Variants in SCARF2 observed in about 807,000 individuals in gnomAD.
The protein encoded by SCARF2 is scavenger receptor expressed by endothelial cells 2 protein.
In SCARF2, 39 loss-of-function variants were observed where a neutral mutation model predicts 73.4. The observed-to-expected ratio is 0.53, with a 90% CI of 0.41 to 0.69. The LOEUF (loss-of-function observed/expected upper bound fraction) is 0.69, where lower values mean the gene tolerates loss of function less well. Ranked by LOEUF, SCARF2 falls within the 30% of genes least tolerant of loss-of-function variation. The pLI is 0.00. For missense variants in SCARF2, 1,148 were observed against 1,303.5 expected, an observed-to-expected ratio of 0.88 and a Z score of 1.84; for synonymous variants, 605 against 590.0, an observed-to-expected ratio of 1.03 and a Z score of -0.37.
intron 1 of SCARF2, among the ~76,000 whole-genome samples, chr22:20,435,463 C>T (rs2052690267): frequency 6.6e-6 from 1 of 152,172 alleles, no homozygotes; most frequent in Non-Finnish European, 1.5e-5. Context: ...TACAAAGCCC[C>T]CAGGGGGTCC....
intron 1 of SCARF2, among the ~76,000 whole-genome samples, chr22:20,436,195 C>T (rs1235814284): frequency 6.6e-6 from 1 of 152,224 alleles, no homozygotes; most frequent in Non-Finnish European, 1.5e-5. Flanking sequence ...AACCCAGGCT[C>T]GGTTCCTGGA....
rs568960087 is a variant in SCARF2, at chr22:20,427,587, T to C, written c.1541-37A>G. On this transcript the variant is annotated intron_variant, in intron 9 of 10. Transcript: ENST00000622235. ...TGAGGCAGAGCTGCCAGGGGTCCAC[T>C]CTGCCCCAGCCGGTGCCCTCATTAG... 3 of 1,609,368 alleles carry C rather than the reference T, an allele frequency of 1.9e-6. No individual in the cohort carries two copies. The African/African-American group carries it at 4.0e-5, about 21-fold the overall frequency.
chr22:20,435,629 G>A (rs1221918223), intron 1 of SCARF2, among the ~76,000 whole-genome samples: 2 of 152,142 alleles, frequency 1.3e-5, no homozygotes, highest in Non-Finnish European at 2.9e-5. Flanking sequence ...TCTGCCTTGG[G>A]AACCTTGCCC....
chr22:20,434,991 T>C (rs1001535525), intron 1 of SCARF2, among the ~76,000 whole-genome samples: 3 of 152,182 alleles, frequency 2.0e-5, no homozygotes, highest in African/African-American at 7.2e-5. Context: ...GGAAGCTCAC[T>C]GAACACTGAC....
rs775468396 is a variant in SCARF2, at chr22:20,431,392, G to A, written c.480C>T (p.His160=). The A allele has an allele frequency of 3.3e-6, 5 of 1,532,090 alleles. No homozygotes were observed. Among genetic ancestry groups the A allele is most frequent in the Non-Finnish European group, 4.4e-6 (5 of 1,145,094 alleles). 94.9% of individuals were successfully genotyped at this position (1,532,090 alleles called of 1,614,324 possible). ...ARCEHACQCQ[H]GTCHPRSGAC... ...CGCCGCTCCGCGGGTGGCACGTGCC[G>A]TGCTGGCACTGGCACGCATGCTCGC... The change falls in exon 4 of 11, where the codon CAC becomes CAT. Residue 160 remains histidine, a synonymous_variant. Transcript: ENST00000622235.
At chr22:20,427,584 C>CA in intron 9 of SCARF2, 34 bp from the exon 10 acceptor site, 1 of 1,609,420 alleles carries the variant, frequency 6.2e-7, no homozygotes, top group Non-Finnish European at 8.5e-7. Flanking sequence ...GCCAGGGGTC[C>CA]ACTCTGCCCC....
At chr22:20,437,420 G>A (rs2052712485) in intron 1 of SCARF2, among the ~76,000 whole-genome samples, 162 bp downstream of exon 1, 1 of 152,196 alleles carries the variant, frequency 6.6e-6, no homozygotes, top group South Asian at 2.1e-4. Flanking sequence ...CGTGGCCCAT[G>A]GCCGAGGCTG....
At chr22:20,436,139 C>T (rs2146139662) in intron 1 of SCARF2, among the ~76,000 whole-genome samples, 1 of 152,358 alleles carries the variant, frequency 6.6e-6, no homozygotes. Flanking sequence ...AAATGACTTG[C>T]CCAGGTCCAC....
intron 1 of SCARF2, among the ~76,000 whole-genome samples, chr22:20,436,819 C>T (rs1420667082): frequency 6.6e-6 from 1 of 152,194 alleles, no homozygotes; most frequent in Non-Finnish European, 1.5e-5. Flanking sequence ...GCGTCCGGGG[C>T]TCACCTCTCT....
rs558218482 is a variant in SCARF2, at chr22:20,426,926, CAA to C, written c.1693+470_1693+471del. ...TGGGTGACAGAGGCAGACTCCGTCT[CAA>C]AAAAAAAAAAAGAGCGATAAGGCTT... On this transcript the variant is annotated intron_variant, in intron 10 of 10. Transcript: ENST00000622235. Among the ~76,000 whole-genome samples the C allele has an allele frequency of 5.3e-3, 689 of 128,996 alleles. 3 individuals are homozygous for C. Among genetic ancestry groups the C allele is most frequent in the Middle Eastern group, 0.019 (5 of 264 alleles). The allele number at this position is 128,996 out of a possible 152,430, so 84.6% of individuals were successfully genotyped here.
At chr22:20,431,702 G>A (rs1280760744) in intron 3 of SCARF2, 43 bp downstream of exon 3, 2 of 1,534,854 alleles carry the variant, frequency 1.3e-6, no homozygotes, top group East Asian at 4.9e-5. Flanking sequence ...ATCTCTCCAG[G>A]ATTCCGCCCC....
rs2052563807 is a variant in SCARF2 at position 20,425,558 on chromosome 22, G to A, written c.2418C>T (p.Ser806=). ...KPAPPQKAKR[S]VPPASPARAP... The stretch of plus-strand genomic sequence containing the variant: ...CGCGGGCGGGCGAGGCTGGCGGCAC[G>A]GAGCGCTTGGCTTTCTGTGGGGGCG... Residue 806 remains serine, a synonymous_variant, in exon 11 of 11, where the codon TCC becomes TCT. Coordinates refer to ENST00000622235, the MANE Select transcript of SCARF2 (RefSeq NM_182895.5). This position sits in a 1 kb window ranked among gnomAD's most constrained non-coding sequence, Gnocchi z 4.6. 2 of 1,340,208 alleles carry A rather than the reference G, an allele frequency of 1.5e-6. No individual in the cohort carries two copies. The highest frequency in any genetic ancestry group is 1.9e-6 in the Non-Finnish European group (2 of 1,049,584). The allele number at this position is 1,340,208 out of a possible 1,614,324, so 83.0% of individuals were successfully genotyped here.
In SCARF2 at chr22:20,426,024, C is replaced by A. The variant is rs770528412; in HGVS notation, c.1952G>T (p.Arg651Leu). 4 of 1,579,664 alleles carry A rather than the reference C, an allele frequency of 2.5e-6. No homozygotes were observed. Among genetic ancestry groups the A allele is most frequent in the African/African-American group, 1.4e-5 (1 of 71,568 alleles). ...GGGGTCAGGTGGCGGCGGTTTCCTG[C>A]GCTCGGGCGATGGCGACAGCGACAG... ...GGLSLSPSPE[R>L]RKPPPPDPAT... The change falls in exon 11 of 11, where the codon CGC (arginine) becomes CTC (leucine). Residue 651 changes from arginine to leucine, a missense_variant. Transcript: ENST00000622235.
intron 1 of SCARF2, among the ~76,000 whole-genome samples, chr22:20,436,855 G>GC (rs1032619884): frequency 6.6e-6 from 1 of 151,960 alleles, no homozygotes; most frequent in South Asian, 2.1e-4. Flanking sequence ...TCCCGGACTC[G>GC]CCCCCCCACC....
chr22:20,430,669 G>C (rs758830889), intron 5 of SCARF2, 21 bp downstream of exon 5: 2 of 1,596,388 alleles, frequency 1.3e-6, no homozygotes, highest in Non-Finnish European at 1.7e-6. Context: ...TGTCTGGGCC[G>C]ACGCAGGCAG....
chr22:20,434,787 T>C (rs1005640), intron 1 of SCARF2, among the ~76,000 whole-genome samples: 68,512 of 152,024 alleles, frequency 0.45, 15,595 homozygotes, highest in East Asian at 0.53. Context: ...TGTGAGTTCT[T>C]ACATCTTCAA....
intron 9 of SCARF2, among the ~76,000 whole-genome samples, chr22:20,427,893 C>G (rs1411171245): frequency 6.6e-6 from 1 of 152,214 alleles, no homozygotes; most frequent in East Asian, 1.9e-4. Flanking sequence ...CCACCAAGGC[C>G]TCCAAGCTCT....
At chr22:20,432,070 C>T (rs2052656359) in intron 1 of SCARF2, 82 bp from the exon 2 acceptor site, 7 of 1,399,354 alleles carry the variant, frequency 5.0e-6, no homozygotes, top group Non-Finnish European at 6.9e-6. Flanking sequence ...AGCCTCCGCA[C>T]AGCCTCCCTG....
Position 20,429,392 on chromosome 22 carries a change from G to A in SCARF2, c.1425-52C>T, listed in dbSNP as rs1245028562. On this transcript the variant is annotated intron_variant, in intron 8 of 10. Coordinates refer to ENST00000622235, the MANE Select transcript of SCARF2 (RefSeq NM_182895.5). This position sits in a 1 kb window ranked among gnomAD's most constrained non-coding sequence, Gnocchi z 5.2. ...GGCGGGGCCGGGGCGGGGCCCAGGG[G>A]CGATTAGATCTCGGCCGGAGCCAAG... 6.4e-7 allele frequency: 1 copy of A among 1,560,790 alleles called. No individual in the cohort carries two copies.
Sources: allele counts gnomAD v4.1 joint callset (sites outside exome capture counted in the v4.1 genomes callset), GRCh38; gene constraint gnomAD v4.1.1; non-coding constraint Gnocchi (gnomAD v3.1); transcripts MANE v1.5; gene names NCBI Gene and HGNC (gene_info 2026-07-23, HGNC 2026-07-21).